CASP4: variants seen among roughly 807,000 people sequenced by gnomAD.
CASP4 encodes the protein caspase-4.
In CASP4, 29 loss-of-function variants were observed where a neutral mutation model predicts 41.3. The observed-to-expected ratio is 0.70, with a 90% CI of 0.52 to 0.96. The LOEUF (loss-of-function observed/expected upper bound fraction) is 0.96. Ranked by LOEUF, CASP4 falls within the 40% of genes least tolerant of loss-of-function variation. The pLI, the probability that CASP4 is intolerant of heterozygous loss-of-function variation, is 0.00. For missense variants in CASP4, 447 were observed against 460.6 expected, an observed-to-expected ratio of 0.97 and a Z score of 0.27; for synonymous variants, 185 against 158.4, an observed-to-expected ratio of 1.17 and a Z score of -1.26.
chr11:104,958,135 A>G (rs1035956274), intron 1 of CASP4, among the ~76,000 whole-genome samples: 1 of 152,206 alleles, frequency 6.6e-6, no homozygotes, highest in Non-Finnish European at 1.5e-5. Flanking sequence ...AATAAACTCA[A>G]AATGAGTTAA....
chr11:104,960,800 G>A (rs1173078062), intron 1 of CASP4, among the ~76,000 whole-genome samples: 5 of 151,754 alleles, frequency 3.3e-5, no homozygotes, highest in Non-Finnish European at 7.4e-5. Flanking sequence ...CCATTTAATT[G>A]TGATTCCCAG....
intron 1 of CASP4, among the ~76,000 whole-genome samples, chr11:104,966,155 C>T (rs1338543621): frequency 1.3e-5 from 2 of 152,192 alleles, no homozygotes; most frequent in African/African-American, 4.8e-5. Context: ...TTGCAATTCC[C>T]CTGTCTTGAT....
chr11:104,947,169 T>C lies in CASP4; in HGVS notation c.949A>G (p.Thr317Ala), dbSNP rs375492506. 6.8e-6 allele frequency: 11 copies of C among 1,611,442 alleles called. No homozygotes were observed. Among genetic ancestry groups the C allele is most frequent in the South Asian group, 3.3e-5 (3 of 90,956 alleles). The change falls in exon 7 of 9, where the codon ACA (threonine) becomes GCA (alanine). Residue 317 changes from threonine to alanine, a missense_variant. Transcript: ENST00000444739. ...TPHNVSWRDS[T>A]MGSIFITQLI... ...TGTGTGATGAAGATAGAGCCCATTG[T>C]GCTGTCTCTCCAGGACACGTTGTCT...
chr11:104,955,457 C>A (rs1475903248), intron 1 of CASP4, among the ~76,000 whole-genome samples: 1 of 151,830 alleles, frequency 6.6e-6, no homozygotes, highest in Non-Finnish European at 1.5e-5. Flanking sequence ...ATTTAGTTTT[C>A]TTGGTGAAAG....
chr11:104,966,327 ATT>A (rs1328863268), intron 1 of CASP4, among the ~76,000 whole-genome samples: 1 of 152,190 alleles, frequency 6.6e-6, no homozygotes, highest in Non-Finnish European at 1.5e-5. Flanking sequence ...ATTCAGGTAT[ATT>A]TAATGAGCAT....
At chr11:104,967,717 C>CT (rs911974825) in intron 1 of CASP4, among the ~76,000 whole-genome samples, 3 of 152,048 alleles carry the variant, frequency 2.0e-5, no homozygotes, top group African/African-American at 7.2e-5. Flanking sequence ...AGTCATCTGA[C>CT]TTTTTTTATA....
In CASP4 at chr11:104,949,582, C is replaced by T; in HGVS notation, c.742G>A (p.Asp248Asn). Reference protein sequence around the residue: ...FNNRNCLSLKDKPKVIIVQAC... With the variant: ...FNNRNCLSLKNKPKVIIVQAC... Reference sequence around the variant, plus strand: ...TGGACAATGATGACCTTGGGTTTGTCCTTCAGACTGAGGCAGTTGCGGTTG... The same window carrying T: ...TGGACAATGATGACCTTGGGTTTGTTCTTCAGACTGAGGCAGTTGCGGTTG... The change falls in exon 5 of 9, where the codon GAC becomes AAC. Residue 248 changes from aspartate (D) to asparagine (N), a missense_variant. Asp to Asn is a conservative substitution (Grantham distance 23). Coordinates refer to ENST00000444739, the MANE Select transcript of CASP4 (RefSeq NM_001225.4). 6.2e-7 allele frequency: 1 copy of T among 1,613,900 alleles called. No individual in the cohort carries two copies. Among genetic ancestry groups the T allele is most frequent in the Non-Finnish European group, 8.5e-7 (1 of 1,179,846 alleles).
intron 8 of CASP4, chr11:104,943,872 T>G (rs1419723164): frequency 2.0e-5 from 3 of 152,212 alleles, no homozygotes; most frequent in Non-Finnish European, 2.9e-5. Context: ...TTGGAAGTAT[T>G]GAGAACAACT....
At position 104,948,526 on chromosome 11, in the gene CASP4, T is replaced by G. The variant is rs757157943; in HGVS notation, c.925+7A>C. 2 of 1,594,970 alleles carry G rather than the reference T, an allele frequency of 1.3e-6. No homozygotes were observed. The highest frequency in any genetic ancestry group is 4.5e-5 in the East Asian group (2 of 44,556). On this transcript the variant is annotated splice_region_variant and intron_variant, in intron 6 of 8. Transcript: ENST00000444739. ...CAAATCCCTTACTGCCACTGAAAGA[T>G]ACATACGTGGCGTTGAAGAGCAGAA... is the stretch of plus-strand genomic sequence containing the variant.
chr11:104,948,365 G>A, intron 6 of CASP4, 168 bp downstream of exon 6: 1 of 523,196 alleles, frequency 1.9e-6, no homozygotes, highest in Non-Finnish European at 3.0e-6. Context: ...CATGTATCGG[G>A]TTGCTTTAGG....
At chr11:104,964,595 T>C (rs1432513448) in intron 1 of CASP4, among the ~76,000 whole-genome samples, 1 of 152,358 alleles carries the variant, frequency 6.6e-6, no homozygotes, top group East Asian at 1.9e-4. Context: ...TTGACTGGAA[T>C]GGCACTCTTC....
rs1271084833 is a variant in CASP4, at chr11:104,944,691, C to A, written c.*5+57G>T. ...GCTGTCATTTGTCATTGAACTTAACCACCAATATCACTCTCTTATTTATTT... is the reference window on the plus strand; with the variant it reads ...GCTGTCATTTGTCATTGAACTTAACAACCAATATCACTCTCTTATTTATTT... On this transcript the variant is annotated intron_variant, in intron 8 of 8. Coordinates refer to ENST00000444739, the MANE Select transcript of CASP4 (RefSeq NM_001225.4). The A allele has an allele frequency of 3.6e-5, 40 of 1,115,836 alleles. No homozygotes were observed. In the East Asian group the frequency reaches 9.0e-4, roughly 25 times the overall value. The allele number at this position is 1,115,836 out of a possible 1,614,324, so 69.1% of individuals were successfully genotyped here. A position where few individuals can be genotyped will look rare whatever the true frequency, so the allele number is the denominator to read the frequency against.
chr11:104,959,090 A>T (rs1264853693), intron 1 of CASP4, among the ~76,000 whole-genome samples: 1 of 152,080 alleles, frequency 6.6e-6, no homozygotes, highest in African/African-American at 2.4e-5. Context: ...TTAAGTATAT[A>T]TCAAAAATTG....
At chr11:104,944,693 C>A in intron 8 of CASP4, 55 bp downstream of exon 8, 1 of 1,137,194 alleles carries the variant, frequency 8.8e-7, no homozygotes, top group South Asian at 1.3e-5. Context: ...AACTTAACCA[C>A]CAATATCACT....
chr11:104,946,828 C>T, intron 7 of CASP4: 8 of 241,472 alleles, frequency 3.3e-5, no homozygotes, highest in South Asian at 1.2e-4. Flanking sequence ...AATATTTTTC[C>T]TTCTCTAAAA....
At chr11:104,946,997 C>T (rs1860476851) in intron 7 of CASP4, 86 bp downstream of exon 7, 3 of 941,800 alleles carry the variant, frequency 3.2e-6, no homozygotes, top group Admixed American at 1.8e-5. Context: ...ACTTCCCTGA[C>T]AAAAATTGTC....
intron 4 of CASP4, 33 bp from the exon 5 acceptor site, chr11:104,949,810 G>C: frequency 1.3e-6 from 2 of 1,596,566 alleles, no homozygotes; most frequent in Non-Finnish European, 1.7e-6. Flanking sequence ...TTCAGTCAGA[G>C]AAGCATCACA....
At chr11:104,951,192 A>G in intron 3 of CASP4, 94 bp from the exon 4 acceptor site, 1 of 1,050,122 alleles carries the variant, frequency 9.5e-7, no homozygotes, top group Non-Finnish European at 1.4e-6. Flanking sequence ...GTCTTCATGC[A>G]GCTCCTCTCT....
intron 5 of CASP4, 83 bp downstream of exon 5, chr11:104,949,460 A>G (rs1860549621): frequency 2.9e-6 from 4 of 1,398,342 alleles, no homozygotes; most frequent in Non-Finnish European, 4.1e-6. Flanking sequence ...AGGTTTAAGA[A>G]TGTTGCCCCT....
Sources: allele counts gnomAD v4.1 joint callset (sites outside exome capture counted in the v4.1 genomes callset), GRCh38; gene constraint gnomAD v4.1.1; transcripts MANE v1.5; gene names NCBI Gene and HGNC (gene_info 2026-07-23, HGNC 2026-07-21).